The following CRMP1 variants were observed in gnomAD, a reference collection of about 807,000 sequenced individuals.
CRMP1 encodes dihydropyrimidinase-related protein 1.
CRMP1 carries 19 observed loss-of-function variants against 68.3 expected under a neutral mutation model. That is an observed-to-expected ratio of 0.28 (90% CI 0.19 to 0.41). CRMP1 has a LOEUF of 0.41. CRMP1 is among the 10% of genes least tolerant of loss of function. The probability of loss-of-function intolerance (pLI) is 1.00; values close to 1 mark genes in which losing one functional copy is unlikely to be tolerated. For missense variants in CRMP1, 791 were observed against 967.4 expected (o/e 0.82, Z 2.42); for synonymous variants, 439 against 399.6 (o/e 1.10, Z -1.18).
rs753217855 is a variant in CRMP1 at position 5,849,490 on chromosome 4, G to C, written c.883-18C>G. ...TCATAGAGCTATGGAGAGATAAACAGGGGTTGGTGTGAGATTTAAAAAAAA... is the reference window on the plus strand; with the variant it reads ...TCATAGAGCTATGGAGAGATAAACACGGGTTGGTGTGAGATTTAAAAAAAA... On this transcript the variant is annotated intron_variant, in intron 5 of 13. Transcript: ENST00000324989. 6.4e-7 allele frequency: 1 copy of C among 1,569,184 alleles called. No individual in the cohort carries two copies. Among genetic ancestry groups the C allele is most frequent in the Non-Finnish European group, 8.7e-7 (1 of 1,148,292 alleles).
chr4:5,867,734 C>G (rs1452580383), intron 1 of CRMP1, among the ~76,000 whole-genome samples: 1 of 152,118 alleles, frequency 6.6e-6, no homozygotes, highest in Non-Finnish European at 1.5e-5. Flanking sequence ...AAGTGGGGAC[C>G]TGCCATGGAA....
chr4:5,825,469 A>C lies in CRMP1; in HGVS notation c.1969+25T>G. On this transcript the variant is annotated intron_variant, in intron 13 of 13. Transcript: ENST00000324989. This position sits in a 1 kb window ranked among gnomAD's most constrained non-coding sequence, Gnocchi z 4.4. ...GGCCTGAACTGCTGCAATTGTGGGG[A>C]GCCTGGGCCACCACTCTTTCCTACC... 6.5e-7 allele frequency: 1 copy of C among 1,543,312 alleles called. No individual in the cohort carries two copies. Among genetic ancestry groups the C allele is most frequent in the South Asian group, 1.3e-5 (1 of 78,980 alleles).
chr4:5,862,531 C>T (rs1309298313), intron 2 of CRMP1, among the ~76,000 whole-genome samples: 2 of 152,194 alleles, frequency 1.3e-5, no homozygotes, highest in Non-Finnish European at 2.9e-5. Context: ...AAAGGAACAG[C>T]AACTGGAGAA....
chr4:5,824,708 A>C (rs942707683), intron 13 of CRMP1: 2 of 978,744 alleles, frequency 2.0e-6, no homozygotes, highest in African/African-American at 3.9e-5. Flanking sequence ...CAAAGCCTAA[A>C]GTATTTACTA....
intron 13 of CRMP1, among the ~76,000 whole-genome samples, chr4:5,824,054 G>T (rs1719130266): frequency 6.6e-6 from 1 of 152,216 alleles, no homozygotes; most frequent in African/African-American, 2.4e-5. Context: ...GAGAACAAGG[G>T]TGAGGAGGGG....
rs1463723821 is a variant in CRMP1, at chr4:5,839,543, T to C, written c.1289A>G (p.Tyr430Cys). 1.2e-6 allele frequency: 2 copies of C among 1,610,354 alleles called. No homozygotes were observed. Among genetic ancestry groups the C allele is most frequent in the Non-Finnish European group, 8.5e-7 (1 of 1,178,554 alleles). The change falls in exon 9 of 14, where the codon TAC becomes TGC. Residue 430 changes from tyrosine (Y) to cysteine (C), a missense_variant. This residue lies in a region of CRMP1 where 594 missense variants were observed against 763.6 expected (regional missense o/e 0.78). Coordinates refer to ENST00000324989, the MANE Select transcript of CRMP1 (RefSeq NM_001014809.3). ...TCACCAGGCCAGTAGGGAGGTCAAGTAGTCGGGCGTGGTAGGGTCCGGGCT... is the reference window on the plus strand; with the variant it reads ...TCACCAGGCCAGTAGGGAGGTCAAGCAGTCGGGCGTGGTAGGGTCCGGGCT... Reference protein sequence around the residue: ...PLSPDPTTPDYLTSLLACGDL... With the variant: ...PLSPDPTTPDCLTSLLACGDL...
intron 6 of CRMP1, among the ~76,000 whole-genome samples, chr4:5,848,755 T>C (rs555019078): frequency 1.1e-4 from 16 of 152,342 alleles, no homozygotes; most frequent in African/African-American, 3.8e-4. Context: ...GGTGAGGGCC[T>C]TCTTGCTGCA....
intron 1 of CRMP1, among the ~76,000 whole-genome samples, chr4:5,876,095 G>T (rs1714807289): frequency 6.6e-6 from 1 of 151,732 alleles, no homozygotes; most frequent in Non-Finnish European, 1.5e-5. Context: ...AAAGCTTGCA[G>T]TGAGCCGAGA....
Position 5,890,891 on chromosome 4 carries a change from T to C in CRMP1, c.381+1698A>G, listed in dbSNP as rs1715910646. Among the ~76,000 whole-genome samples, 1 of 152,014 alleles carries C rather than the reference T, an allele frequency of 6.6e-6. No homozygotes were observed. The highest frequency in any genetic ancestry group is 2.4e-5 in the African/African-American group (1 of 41,404). ...GCCTCCCTAGTACTCCACCACGCTT[T>C]GAGGAAGGCCGGAAGAAGACGGCCA... On this transcript the variant is annotated intron_variant, in intron 1 of 13. Coordinates refer to ENST00000324989, the MANE Select transcript of CRMP1 (RefSeq NM_001014809.3). This position sits in a 1 kb window ranked among gnomAD's most constrained non-coding sequence, Gnocchi z 5.5.
chr4:5,828,807 C>G, intron 11 of CRMP1, 139 bp from the exon 12 acceptor site: 1 of 1,062,134 alleles, frequency 9.4e-7, no homozygotes, highest in African/African-American at 1.6e-5. Context: ...CTTTTATTGA[C>G]TGTAATATTC....
intron 3 of CRMP1, among the ~76,000 whole-genome samples, chr4:5,856,771 C>A (rs1713098699): frequency 6.6e-6 from 1 of 151,566 alleles, no homozygotes; most frequent in Non-Finnish European, 1.5e-5. Flanking sequence ...TCACTATCAT[C>A]ATCATTACCA....
chr4:5,878,049 A>G (rs1038466385), intron 1 of CRMP1, among the ~76,000 whole-genome samples: 1 of 152,244 alleles, frequency 6.6e-6, no homozygotes, highest in African/African-American at 2.4e-5. Context: ...TTGAGCTCAT[A>G]TTAAGGATCA....
intron 4 of CRMP1, 113 bp downstream of exon 4, chr4:5,856,030 C>T: frequency 2.4e-6 from 3 of 1,258,422 alleles, no homozygotes; most frequent in African/African-American, 1.5e-5. Context: ...GAGTGCAGCT[C>T]ATAATCAGGC....
intron 2 of CRMP1, among the ~76,000 whole-genome samples, chr4:5,863,366 C>A (rs1429183772): frequency 1.3e-5 from 2 of 152,306 alleles, no homozygotes; most frequent in Admixed American, 6.5e-5. Context: ...CAAGGCCACA[C>A]AGCAAGTCAG....
At chr4:5,828,060 G>T (rs1719963851) in intron 12 of CRMP1, 1 of 985,310 alleles carries the variant, frequency 1.0e-6, no homozygotes, top group Admixed American at 6.1e-5. Flanking sequence ...GATGCCAGGG[G>T]TAACACCTTG....
Position 5,860,706 on chromosome 4 carries a change from T to C in CRMP1, c.655+320A>G, listed in dbSNP as rs1713482745. Among the ~76,000 whole-genome samples the C allele has an allele frequency of 6.6e-6, 1 of 152,182 alleles. No homozygotes were observed. The highest frequency in any genetic ancestry group is 1.5e-5 in the Non-Finnish European group (1 of 68,040). ...TACTTTTCTTTAAACAAATTTTGTT[T>C]CTAAAAATCTAAATGTGACTTCAGT... On this transcript the variant is annotated intron_variant, in intron 3 of 13. Coordinates refer to ENST00000324989, the MANE Select transcript of CRMP1 (RefSeq NM_001014809.3). This position sits in a 1 kb window ranked among gnomAD's most constrained non-coding sequence, Gnocchi z 4.2.
At chr4:5,887,881 C>T (rs1401865028) in intron 1 of CRMP1, 13 of 880,328 alleles carry the variant, frequency 1.5e-5, no homozygotes, top group African/African-American at 1.4e-4. Flanking sequence ...GCGAGGCCTG[C>T]GGGGAGGGGG....
At chr4:5,849,677 A>C (rs997365015) in intron 5 of CRMP1, among the ~76,000 whole-genome samples, 1 of 152,136 alleles carries the variant, frequency 6.6e-6, no homozygotes, top group Admixed American at 6.5e-5. Context: ...TGCAGACCCA[A>C]AAGCAGGAAG....
intron 2 of CRMP1, among the ~76,000 whole-genome samples, chr4:5,862,053 T>A (rs1339661243): frequency 6.6e-6 from 1 of 152,136 alleles, no homozygotes; most frequent in Non-Finnish European, 1.5e-5. Context: ...AGCAAGCAGG[T>A]CCCAGCTGGG....
Sources: gnomAD v4.1 joint callset for allele counts (sites outside exome capture counted in the v4.1 genomes callset) on GRCh38, gnomAD v4.1.1 for gene constraint, gnomAD v4.1.1 regional missense constraint, Gnocchi (gnomAD v3.1) non-coding constraint, MANE v1.5 for transcripts, NCBI Gene and HGNC (gene_info 2026-07-23, HGNC 2026-07-21) for gene names.